Variants in NCOA2 observed in about 807,000 individuals in gnomAD.
NCOA2 encodes the protein class E basic helix-loop-helix protein 75.
A neutral mutation model predicts 145.1 loss-of-function variants in NCOA2; 21 were observed. That is an observed-to-expected ratio of 0.14 (90% CI 0.10 to 0.21). The LOEUF (loss-of-function observed/expected upper bound fraction) is 0.21, where lower values mean the gene tolerates loss of function less well. Among genes scored for constraint, NCOA2 ranks in the 10% least tolerant of loss-of-function variants. The probability of loss-of-function intolerance (pLI) is 1.00; values close to 1 mark genes in which losing one functional copy is unlikely to be tolerated. For synonymous variants in NCOA2, 619 were observed against 637.5 expected, an observed-to-expected ratio of 0.97 and a Z score of 0.44; for missense variants, 1,472 against 1,837.6, an observed-to-expected ratio of 0.80 and a Z score of 3.64.
chr8:70,228,119 GA>G (rs1820823590), intron 2 of NCOA2, among the ~76,000 whole-genome samples: 1 of 151,740 alleles, frequency 6.6e-6, no homozygotes, highest in East Asian at 1.9e-4. Context: ...AACGGAATTT[GA>G]AAATTACCTT....
At chr8:70,268,069 G>A (rs1294674340) in intron 2 of NCOA2, among the ~76,000 whole-genome samples, 1 of 152,174 alleles carries the variant, frequency 6.6e-6, no homozygotes, top group Admixed American at 6.5e-5. Flanking sequence ...TGCTCCTGCT[G>A]GATGCAGTTG....
intron 2 of NCOA2, chr8:70,273,660 T>C (rs950481541): frequency 2.9e-6 from 2 of 699,254 alleles, no homozygotes; most frequent in African/African-American, 1.8e-5. Flanking sequence ...CTGACAGAAA[T>C]GCTACCCAGA....
Position 70,260,865 on chromosome 8 carries a change from TG to T in NCOA2, c.-20+35878del, listed in dbSNP as rs1355972801. 2.0e-5 allele frequency among the ~76,000 whole-genome samples: 3 copies of T among 152,300 alleles called. No individual in the cohort carries two copies. In the East Asian group the frequency reaches 5.8e-4, roughly 29 times the overall value. ...CACATGAAAAAATGCTCACCATCAC[TG>T]GCCATCAGAGAAATGCAAATCAAAA... On this transcript the variant is annotated intron_variant, in intron 2 of 22. Coordinates refer to ENST00000452400, the MANE Select transcript of NCOA2 (RefSeq NM_006540.4).
chr8:70,219,910 C>A (rs1469908936), intron 2 of NCOA2, among the ~76,000 whole-genome samples: 1 of 152,010 alleles, frequency 6.6e-6, no homozygotes, highest in African/African-American at 2.4e-5. Context: ...ATTTTTCCCC[C>A]AACTCAAAAT....
intron 1 of NCOA2, among the ~76,000 whole-genome samples, chr8:70,304,322 T>C (rs1827717037): frequency 6.6e-6 from 1 of 152,204 alleles, no homozygotes; most frequent in African/African-American, 2.4e-5. Flanking sequence ...TATAGTAACA[T>C]GCTACACAGG....
intron 10 of NCOA2, 70 bp downstream of exon 10, chr8:70,159,435 T>C (rs1812711319): frequency 2.9e-6 from 4 of 1,361,604 alleles, no homozygotes; most frequent in Admixed American, 2.0e-5. Flanking sequence ...AGCTCTAAAA[T>C]AATTTGCTGC....
At chr8:70,174,241 A>G (rs1285246646) in intron 5 of NCOA2, among the ~76,000 whole-genome samples, 2 of 152,206 alleles carry the variant, frequency 1.3e-5, no homozygotes, top group South Asian at 2.1e-4. Context: ...AACAACAGGT[A>G]GTTAAGACCA....
At chr8:70,155,660 G>C (rs1040298209) in intron 11 of NCOA2, among the ~76,000 whole-genome samples, 2 of 152,160 alleles carry the variant, frequency 1.3e-5, no homozygotes, top group African/African-American at 2.4e-5. Flanking sequence ...TGTTTACACA[G>C]TGTCTGTGGC....
chr8:70,399,799 TC>T (rs1814057493), intron 1 of NCOA2, among the ~76,000 whole-genome samples: 1 of 152,236 alleles, frequency 6.6e-6, no homozygotes, highest in Non-Finnish European at 1.5e-5. Flanking sequence ...TCCTTTACTA[TC>T]CAATATCCTA....
chr8:70,349,770 T>C (rs1357452049), intron 1 of NCOA2, among the ~76,000 whole-genome samples: 1 of 152,178 alleles, frequency 6.6e-6, no homozygotes, highest in Non-Finnish European at 1.5e-5. Context: ...GTATGTATCA[T>C]CTGTGAATCT....
chr8:70,141,421 C>T (rs759101591), intron 13 of NCOA2, 22 bp from the exon 14 acceptor site: 2 of 1,598,878 alleles, frequency 1.3e-6, no homozygotes, highest in Non-Finnish European at 1.7e-6. Context: ...CCAAAGAAAA[C>T]TGAGAGATGC....
chr8:70,427,404 T>G, the NCOA2 span, among the ~76,000 whole-genome samples: 1 of 152,218 alleles, frequency 6.6e-6, no homozygotes, highest in African/African-American at 2.4e-5. Context: ...ACACGAATGA[T>G]CTACTAGAAT....
At chr8:70,409,599 A>G in the NCOA2 span, among the ~76,000 whole-genome samples, 1 of 152,210 alleles carries the variant, frequency 6.6e-6, no homozygotes, top group Non-Finnish European at 1.5e-5. Flanking sequence ...AGAAGAAAAC[A>G]TCAGCCATCC....
chr8:70,264,008 T>C (rs1824361957), intron 2 of NCOA2, among the ~76,000 whole-genome samples: 2 of 151,336 alleles, frequency 1.3e-5, no homozygotes, highest in Non-Finnish European at 2.9e-5. Flanking sequence ...AGATTGGGAG[T>C]TTGAGACCAG....
chr8:70,187,443 A>G (rs554222253), intron 4 of NCOA2, among the ~76,000 whole-genome samples: 1 of 152,330 alleles, frequency 6.6e-6, no homozygotes, highest in Non-Finnish European at 1.5e-5. Context: ...AAATACAAGG[A>G]CTGTTTAAGC....
At chr8:70,362,555 T>C (rs918590155) in intron 1 of NCOA2, among the ~76,000 whole-genome samples, 1 of 152,146 alleles carries the variant, frequency 6.6e-6, no homozygotes, top group East Asian at 1.9e-4. Context: ...CACAAAAGCA[T>C]GCTGAATATC....
Position 70,332,745 on chromosome 8 carries a change from A to C in NCOA2, c.-76-35945T>G, listed in dbSNP as rs1043192212. On this transcript the variant is annotated intron_variant, in intron 1 of 22. Transcript: ENST00000452400. Reference sequence around the variant, plus strand: ...CAACACTTGCTTTCTTGGCCTGACTACTCTAAGCCTATTTAATCTTTAAAG... The same window carrying C: ...CAACACTTGCTTTCTTGGCCTGACTCCTCTAAGCCTATTTAATCTTTAAAG... 8.5e-5 allele frequency among the ~76,000 whole-genome samples: 13 copies of C among 152,242 alleles called. No individual in the cohort carries two copies. In the South Asian group the frequency reaches 2.7e-3, roughly 32 times the overall value.
intron 1 of NCOA2, among the ~76,000 whole-genome samples, chr8:70,320,345 CTTA>C (rs1272209558): frequency 6.6e-6 from 1 of 152,116 alleles, no homozygotes; most frequent in East Asian, 1.9e-4. Context: ...CTCACAACTG[CTTA>C]TTACTTCCTC....
chr8:70,334,177 T>C lies in NCOA2; in HGVS notation c.-76-37377A>G, dbSNP rs1327114739. ...TTTAAGGCCAAATTTATATCCTCCT[T>C]ATTTATTTATCCAAGCTAATTTCCT... On this transcript the variant is annotated intron_variant, in intron 1 of 22. Coordinates refer to ENST00000452400, the MANE Select transcript of NCOA2 (RefSeq NM_006540.4). 3.9e-5 allele frequency among the ~76,000 whole-genome samples: 6 copies of C among 152,204 alleles called. No homozygotes were observed. In the East Asian group the frequency reaches 1.2e-3, roughly 29 times the overall value.
Sources: gnomAD v4.1 joint callset for allele counts (sites outside exome capture counted in the v4.1 genomes callset) on GRCh38, gnomAD v4.1.1 for gene constraint, MANE v1.5 for transcripts, NCBI Gene and HGNC (gene_info 2026-07-23, HGNC 2026-07-21) for gene names.